Variants in RAPGEF4 observed in about 807,000 individuals in gnomAD.
RAPGEF4 encodes Rap guanine nucleotide exchange factor 4.
RAPGEF4 carries 66 observed loss-of-function variants against 147.9 expected under a neutral mutation model. The observed-to-expected ratio is 0.45, with a 90% CI of 0.37 to 0.55. The LOEUF is 0.55. Among genes scored for constraint, RAPGEF4 ranks in the 20% least tolerant of loss-of-function variants. The pLI, the probability that RAPGEF4 is intolerant of heterozygous loss-of-function variation, is 0.00. For synonymous variants in RAPGEF4, 419 were observed against 442.7 expected (o/e 0.95, Z 0.67); for missense variants, 1,071 against 1,257.3 (o/e 0.85, Z 2.24).
chr2:172,815,582 C>G (rs1422439135), intron 4 of RAPGEF4, among the ~76,000 whole-genome samples: 2 of 152,122 alleles, frequency 1.3e-5, no homozygotes, highest in Non-Finnish European at 2.9e-5. Context: ...TAAAAGGGAC[C>G]AAGCTTGAGG....
chr2:173,035,528 A>AG (rs1683877952), intron 27 of RAPGEF4, among the ~76,000 whole-genome samples: 2 of 150,476 alleles, frequency 1.3e-5, no homozygotes, highest in Non-Finnish European at 3.0e-5. Flanking sequence ...AAAAAAAAAA[A>AG]GGGATCTCAC....
chr2:173,022,696 G>C (rs1696227818), intron 23 of RAPGEF4, among the ~76,000 whole-genome samples: 3 of 152,214 alleles, frequency 2.0e-5, no homozygotes, highest in Admixed American at 6.5e-5. Flanking sequence ...TAAAGCCAGA[G>C]AGATGAGACT....
At chr2:172,943,481 A>G (rs1299922568) in intron 6 of RAPGEF4, among the ~76,000 whole-genome samples, 1 of 152,200 alleles carries the variant, frequency 6.6e-6, no homozygotes, top group Non-Finnish European at 1.5e-5. Context: ...TTAGTATTCA[A>G]TAAGATAACT....
At chr2:172,839,252 A>G (rs898933617) in intron 4 of RAPGEF4, among the ~76,000 whole-genome samples, 2 of 152,098 alleles carry the variant, frequency 1.3e-5, no homozygotes, top group Non-Finnish European at 2.9e-5. Context: ...TCACACAAGA[A>G]AGAATTCAGG....
chr2:172,967,585 C>A, intron 10 of RAPGEF4, 141 bp downstream of exon 10: 1 of 808,528 alleles, frequency 1.2e-6, no homozygotes, highest in Non-Finnish European at 1.8e-6. Flanking sequence ...AAGGGTGCCA[C>A]AGCAGTGCTT....
chr2:172,908,760 C>T (rs1203821851), intron 4 of RAPGEF4, among the ~76,000 whole-genome samples: 4 of 152,074 alleles, frequency 2.6e-5, no homozygotes, highest in Non-Finnish European at 4.4e-5. Context: ...GGTGTGCCCT[C>T]GGCTGAGGGT....
rs553008258 is a variant in RAPGEF4, at chr2:172,764,210, C to T, written c.65+28162C>T. On this transcript the variant is annotated intron_variant, in intron 1 of 30. Coordinates refer to ENST00000397081, the MANE Select transcript of RAPGEF4 (RefSeq NM_007023.4). The stretch of plus-strand genomic sequence containing the variant: ...TTGAGGTTGCATTGAACCATGATCA[C>T]GCACTGCGCTCCAGCCTGGGTGACA... 2.2e-4 allele frequency among the ~76,000 whole-genome samples: 33 copies of T among 151,404 alleles called. 1 individual carries two copies. In the South Asian group the frequency reaches 4.0e-3, roughly 18 times the overall value.
At position 173,014,486 on chromosome 2, in the gene RAPGEF4, G is replaced by A. The variant is rs754706592; in HGVS notation, c.1681G>A (p.Gly561Ser). ...VAHYHAQPSQ[G>S]TEQEKMDYAL... is the part of the protein sequence containing the mutation. ...CACCTACCACGCACAGCCTTCACAA[G>A]GTACAGAACAGGAGAAAATGGATTA... Residue 561 changes from glycine (G) to serine (S), a missense_variant, in exon 18 of 31, where the codon GGT (glycine) becomes AGT (serine). By Grantham distance (56) the Gly-to-Ser change is moderately conservative. Coordinates refer to ENST00000397081, the MANE Select transcript of RAPGEF4 (RefSeq NM_007023.4). 1 of 1,613,858 alleles carries A rather than the reference G, an allele frequency of 6.2e-7. No homozygotes were observed. The highest frequency in any genetic ancestry group is 8.5e-7 in the Non-Finnish European group (1 of 1,179,898).
chr2:172,820,949 A>T (rs1433652118), intron 4 of RAPGEF4, among the ~76,000 whole-genome samples: 1 of 152,208 alleles, frequency 6.6e-6, no homozygotes, highest in African/African-American at 2.4e-5. Context: ...CTTTCAAGCC[A>T]CAGTGAGAAT....
At chr2:172,928,313 A>G in intron 6 of RAPGEF4, 1 of 430,086 alleles carries the variant, frequency 2.3e-6, no homozygotes, top group East Asian at 7.0e-5. Context: ...TACAAAAGCT[A>G]GCCATACCAT....
intron 4 of RAPGEF4, among the ~76,000 whole-genome samples, chr2:172,884,961 C>G (rs1236317804): frequency 6.6e-6 from 1 of 152,202 alleles, no homozygotes; most frequent in Admixed American, 6.5e-5. Flanking sequence ...CTCCGTATAC[C>G]CTTGGCCTAT....
At chr2:172,960,937 T>C in intron 7 of RAPGEF4, 124 bp downstream of exon 7, 1 of 890,080 alleles carries the variant, frequency 1.1e-6, no homozygotes, top group East Asian at 2.6e-5. Context: ...ACAGGAAATA[T>C]TCAGTGTTTC....
chr2:172,970,471 T>G (rs1270555723), intron 10 of RAPGEF4, among the ~76,000 whole-genome samples: 2 of 152,250 alleles, frequency 1.3e-5, no homozygotes, highest in Admixed American at 1.3e-4. Flanking sequence ...GGCTGCATTT[T>G]ATAATAGTCA....
At chr2:172,821,181 C>T (rs1168476027) in intron 4 of RAPGEF4, among the ~76,000 whole-genome samples, 2 of 152,160 alleles carry the variant, frequency 1.3e-5, no homozygotes, top group East Asian at 3.9e-4. Context: ...CTTTATCCAC[C>T]ATACTAACAA....
intron 4 of RAPGEF4, among the ~76,000 whole-genome samples, chr2:172,879,477 G>A (rs1157237821): frequency 3.3e-5 from 5 of 152,076 alleles, no homozygotes; most frequent in South Asian, 2.1e-4. Flanking sequence ...GTGACGAAGC[G>A]GGACTTTTAA....
rs546711857 is a variant in RAPGEF4, at chr2:172,828,285, C to T, written c.444+13860C>T. Among the ~76,000 whole-genome samples, 11 of 152,152 alleles carry T rather than the reference C, an allele frequency of 7.2e-5. No homozygotes were observed. The East Asian group carries it at 1.4e-3, about 19-fold the overall frequency. On this transcript the variant is annotated intron_variant, in intron 4 of 30. Transcript: ENST00000397081. Reference sequence around the variant, plus strand: ...TCCATGGGCGTCGCATTCGTAAGGCCGACAGAAATGTGACAGACAGGAAGA... The same window carrying T: ...TCCATGGGCGTCGCATTCGTAAGGCTGACAGAAATGTGACAGACAGGAAGA...
chr2:172,752,721 C>A (rs1457133616), intron 1 of RAPGEF4, among the ~76,000 whole-genome samples: 2 of 152,184 alleles, frequency 1.3e-5, no homozygotes, highest in East Asian at 1.9e-4. Context: ...ATAGAACATA[C>A]CAAGAGAACC....
At chr2:173,004,252 T>C (rs1694228692) in intron 17 of RAPGEF4, among the ~76,000 whole-genome samples, 1 of 152,200 alleles carries the variant, frequency 6.6e-6, no homozygotes, top group African/African-American at 2.4e-5. Context: ...AGAGAGACTC[T>C]CTATTCATTA....
chr2:173,035,336 G>C (rs187823653), intron 27 of RAPGEF4, among the ~76,000 whole-genome samples: 1 of 151,778 alleles, frequency 6.6e-6, no homozygotes. Flanking sequence ...GTGAAACCCC[G>C]TCTCTACTAA....
Sources: allele counts gnomAD v4.1 joint callset (sites outside exome capture counted in the v4.1 genomes callset), GRCh38; gene constraint gnomAD v4.1.1; transcripts MANE v1.5; gene names NCBI Gene and HGNC (gene_info 2026-07-23, HGNC 2026-07-21).